SMG1: variants seen among roughly 807,000 people sequenced by gnomAD.
SMG1 encodes serine/threonine-protein kinase SMG1.
SMG1 carries 22 observed loss-of-function variants against 419.9 expected under a neutral mutation model. The observed-to-expected ratio is 0.05, with a 90% CI of 0.04 to 0.07. The LOEUF (loss-of-function observed/expected upper bound fraction) is 0.07. Ranked by LOEUF, SMG1 falls within the 10% of genes least tolerant of loss-of-function variation. SMG1 has a pLI of 1.00. For synonymous variants in SMG1, 1,538 were observed against 1,553.5 expected (o/e 0.99, Z 0.23); for missense variants, 3,185 against 4,342.0 (o/e 0.73, Z 7.49).
At chr16:18,833,217 T>TC in intron 50 of SMG1, 51 bp from the exon 51 acceptor site, 1 of 1,470,038 alleles carries the variant, frequency 6.8e-7, no homozygotes, top group Non-Finnish European at 9.3e-7. Context: ...TTTAGCTAAG[T>TC]TACACATTTG....
rs185119709 is a variant in SMG1, at chr16:18,860,086, C to T, written c.3806-383G>A. 1.4e-3 allele frequency among the ~76,000 whole-genome samples: 211 copies of T among 152,252 alleles called. 2 individuals carry two copies. The highest frequency in any genetic ancestry group is 4.6e-3 in the African/African-American group (190 of 41,560). On this transcript the variant is annotated intron_variant, in intron 26 of 62. Transcript: ENST00000446231. Reference sequence around the variant, plus strand: ...ACAAAAAATTACCTGGGCACGGTGGCAGACACCTGTAATCCCAGCTACTCA... The same window carrying T: ...ACAAAAAATTACCTGGGCACGGTGGTAGACACCTGTAATCCCAGCTACTCA...
At chr16:18,890,515 T>C (rs2036828006) in intron 5 of SMG1, among the ~76,000 whole-genome samples, 1 of 152,154 alleles carries the variant, frequency 6.6e-6, no homozygotes, top group African/African-American at 2.4e-5. Context: ...CTGGCAGTGG[T>C]GGTGCACACC....
At chr16:18,912,660 T>C (rs1344016488) in intron 1 of SMG1, among the ~76,000 whole-genome samples, 1 of 152,156 alleles carries the variant, frequency 6.6e-6, no homozygotes, top group Admixed American at 6.5e-5. Context: ...GATTACCACA[T>C]ACTTACGACC....
Position 18,849,203 on chromosome 16 carries a change from T to A in SMG1, c.5623+14A>T. 6.4e-7 allele frequency: 1 copy of A among 1,558,910 alleles called. No homozygotes were observed. The highest frequency in any genetic ancestry group is 2.3e-5 in the East Asian group (1 of 44,102). On this transcript the variant is annotated intron_variant, in intron 36 of 62. Transcript: ENST00000446231. ...CATTTATACTCAAAGTAGCAATATT[T>A]GAATATTCCATACCTGAAGCCTGGG...
intron 3 of SMG1, among the ~76,000 whole-genome samples, chr16:18,892,817 C>G (rs1384444306): frequency 6.6e-6 from 1 of 152,214 alleles, no homozygotes; most frequent in African/African-American, 2.4e-5. Context: ...TTGTTCATCT[C>G]TATATTCCAG....
chr16:18,836,737 C>T (rs1240390386), intron 46 of SMG1, among the ~76,000 whole-genome samples: 3 of 152,146 alleles, frequency 2.0e-5, no homozygotes, highest in African/African-American at 4.8e-5. Context: ...ATTAAAACTG[C>T]CACATCTGCC....
At chr16:18,877,032 C>T (rs532813970) in intron 12 of SMG1, 99 bp downstream of exon 12, 21 of 810,840 alleles carry the variant, frequency 2.6e-5, no homozygotes, top group South Asian at 2.5e-4. Flanking sequence ...AAACATTTCA[C>T]ATTTCACTCA....
At chr16:18,899,451 C>T (rs1160783093) in intron 1 of SMG1, among the ~76,000 whole-genome samples, 1 of 152,078 alleles carries the variant, frequency 6.6e-6, no homozygotes, top group Non-Finnish European at 1.5e-5. Flanking sequence ...TATTTTAATA[C>T]AAATTGATCA....
At chr16:18,883,873 C>T (rs547781878) in intron 9 of SMG1, among the ~76,000 whole-genome samples, 197 bp downstream of exon 9, 94 of 148,372 alleles carry the variant, frequency 6.3e-4, no homozygotes, top group African/African-American at 2.1e-3. Flanking sequence ...GAGCCGAGAC[C>T]GTGCCATTGC....
intron 12 of SMG1, among the ~76,000 whole-genome samples, 193 bp from the exon 13 acceptor site, chr16:18,876,586 T>C (rs1200015038): frequency 1.3e-5 from 2 of 152,104 alleles, no homozygotes; most frequent in Admixed American, 1.3e-4. Context: ...CAGTATGCTA[T>C]TTCAAGTCTA....
chr16:18,838,252 T>A lies in SMG1; in HGVS notation c.7195-20A>T. 1 of 1,609,054 alleles carries A rather than the reference T, an allele frequency of 6.2e-7. No homozygotes were observed. Among genetic ancestry groups the A allele is most frequent in the South Asian group, 1.1e-5 (1 of 90,720 alleles). ...TAAAACCTGTTTTCAGGAGAGTTTT[T>A]AAAATAAGGTCTGCCACAAGTTTCA... On this transcript the variant is annotated intron_variant, in intron 44 of 62. Coordinates refer to ENST00000446231, the MANE Select transcript of SMG1 (RefSeq NM_015092.5).
At chr16:18,877,465 A>G in intron 11 of SMG1, 3 of 380,900 alleles carry the variant, frequency 7.9e-6, no homozygotes, top group Non-Finnish European at 9.8e-6. Flanking sequence ...ACGAGGAAGG[A>G]GTGGGTGGAA....
At chr16:18,852,809 T>G (rs2034673943) in intron 31 of SMG1, among the ~76,000 whole-genome samples, 1 of 152,232 alleles carries the variant, frequency 6.6e-6, no homozygotes, top group Admixed American at 6.5e-5. Flanking sequence ...ATGATCAGAT[T>G]CACTTTAATC....
intron 29 of SMG1, among the ~76,000 whole-genome samples, chr16:18,855,820 A>T (rs551457893): frequency 6.6e-6 from 1 of 152,338 alleles, no homozygotes; most frequent in Admixed American, 6.5e-5. Context: ...AAGTGACATT[A>T]CACAAGGGTA....
At chr16:18,819,441 C>G (rs1043981097) in intron 56 of SMG1, 61 bp downstream of exon 56, 24 of 1,556,060 alleles carry the variant, frequency 1.5e-5, no homozygotes, top group Non-Finnish European at 2.0e-5. Context: ...CATATAACTT[C>G]CAGCTACTCA....
At chr16:18,874,903 CTTT>C (rs373817069) in intron 13 of SMG1, among the ~76,000 whole-genome samples, 12,910 of 94,574 alleles carry the variant, frequency 0.14, 1,039 homozygotes, top group Middle Eastern at 0.32. Flanking sequence ...AAAAAAAAGC[CTTT>C]TTTTTTTTTT....
chr16:18,834,653 C>A (rs1205898858), intron 49 of SMG1, among the ~76,000 whole-genome samples: 1 of 152,112 alleles, frequency 6.6e-6, no homozygotes, highest in Admixed American at 6.6e-5. Flanking sequence ...TGGCACACAC[C>A]TGTAGTCCCA....
intron 1 of SMG1, 37 bp from the exon 2 acceptor site, chr16:18,896,993 A>G: frequency 7.4e-7 from 1 of 1,354,214 alleles, no homozygotes; most frequent in South Asian, 1.3e-5. Context: ...AGAACTTTAA[A>G]TAACATAAAT....
intron 13 of SMG1, chr16:18,875,910 C>G: frequency 1.8e-6 from 1 of 558,382 alleles, no homozygotes; most frequent in Middle Eastern, 4.7e-4. Context: ...AAAAACTTAT[C>G]AAGATTTGTC....
Sources: gnomAD v4.1 joint callset for allele counts (sites outside exome capture counted in the v4.1 genomes callset) on GRCh38, gnomAD v4.1.1 for gene constraint, MANE v1.5 for transcripts, NCBI Gene and HGNC (gene_info 2026-07-23, HGNC 2026-07-21) for gene names.